BMP6: variants seen among roughly 807,000 people sequenced by gnomAD.
The protein encoded by BMP6 is bone morphogenetic protein 6.
BMP6 carries 17 observed loss-of-function variants against 54.1 expected under a neutral mutation model. The observed-to-expected ratio is 0.31, with a 90% CI of 0.22 to 0.47. BMP6 has a LOEUF of 0.47. Among genes scored for constraint, BMP6 ranks in the 20% least tolerant of loss-of-function variants. The pLI is 1.00. For synonymous variants in BMP6, 328 were observed against 291.2 expected, an observed-to-expected ratio of 1.13 and a Z score of -1.28; for missense variants, 720 against 690.4, an observed-to-expected ratio of 1.04 and a Z score of -0.48.
chr6:7,849,936 C>A (rs908744114), intron 2 of BMP6, among the ~76,000 whole-genome samples: 2 of 152,162 alleles, frequency 1.3e-5, no homozygotes, highest in African/African-American at 2.4e-5. Flanking sequence ...TGAAGAATTA[C>A]CAAATTTAAA....
intron 1 of BMP6, among the ~76,000 whole-genome samples, chr6:7,752,559 GTTTTTTT>G (rs5874110): frequency 2.4e-5 from 3 of 122,452 alleles, no homozygotes; most frequent in Non-Finnish European, 3.4e-5. Flanking sequence ...TTCAACATAG[GTTTTTTT>G]TTTTTTTTTT....
chr6:7,805,079 TAC>T (rs1758328835), intron 1 of BMP6, among the ~76,000 whole-genome samples: 2 of 152,328 alleles, frequency 1.3e-5, no homozygotes, highest in South Asian at 4.1e-4. Flanking sequence ...ATTTATATAA[TAC>T]TGTCATTGAT....
At chr6:7,793,258 AAAG>A (rs1256963324) in intron 1 of BMP6, among the ~76,000 whole-genome samples, 1 of 151,608 alleles carries the variant, frequency 6.6e-6, no homozygotes, top group Non-Finnish European at 1.5e-5. Context: ...ATTGTTAACT[AAAG>A]AAGCCAAACT....
At chr6:7,799,538 CAA>C (rs1758238789) in intron 1 of BMP6, among the ~76,000 whole-genome samples, 1 of 151,956 alleles carries the variant, frequency 6.6e-6, no homozygotes, top group Admixed American at 6.5e-5. Context: ...GGAGTATAGA[CAA>C]TGATGAAATT....
intron 4 of BMP6, among the ~76,000 whole-genome samples, chr6:7,872,086 C>T (rs1247860649): frequency 6.6e-6 from 1 of 152,096 alleles, no homozygotes; most frequent in African/African-American, 2.4e-5. Context: ...GTCTCACTTC[C>T]TTTCTCTGCC....
chr6:7,791,983 C>A (rs1758115394), intron 1 of BMP6, among the ~76,000 whole-genome samples: 1 of 149,772 alleles, frequency 6.7e-6, no homozygotes, highest in African/African-American at 2.5e-5. Flanking sequence ...GAAACAGGAC[C>A]AATTGGATGG....
intron 1 of BMP6, among the ~76,000 whole-genome samples, chr6:7,753,388 C>T (rs773329199): frequency 6.6e-6 from 1 of 152,220 alleles, no homozygotes; most frequent in Admixed American, 6.5e-5. Flanking sequence ...GGACCAGCAG[C>T]AGCTGCCCCA....
chr6:7,732,762 G>A (rs1043618004), intron 1 of BMP6, among the ~76,000 whole-genome samples: 9 of 152,170 alleles, frequency 5.9e-5, no homozygotes, highest in East Asian at 1.9e-4. Context: ...TCCTATTTAC[G>A]AAGGTGAGTT....
At chr6:7,861,009 T>C (rs1239487399) in intron 2 of BMP6, among the ~76,000 whole-genome samples, 1 of 152,098 alleles carries the variant, frequency 6.6e-6, no homozygotes, top group Non-Finnish European at 1.5e-5. Flanking sequence ...TAAATAAATT[T>C]TTAAAACATA....
chr6:7,793,531 A>G (rs1350257119), intron 1 of BMP6, among the ~76,000 whole-genome samples: 1 of 151,954 alleles, frequency 6.6e-6, no homozygotes, highest in Admixed American at 6.6e-5. Context: ...CTTGGGTGAT[A>G]ATGATGTGTC....
At chr6:7,813,109 ATAT>A (rs1306617710) in intron 1 of BMP6, among the ~76,000 whole-genome samples, 98 of 15,744 alleles carry the variant, frequency 6.2e-3, no homozygotes, top group African/African-American at 8.5e-3. Flanking sequence ...AAAAAAAAAA[ATAT>A]ATATATATAT....
chr6:7,774,923 C>G (rs1561767956), intron 1 of BMP6, among the ~76,000 whole-genome samples: 1 of 152,070 alleles, frequency 6.6e-6, no homozygotes, highest in Non-Finnish European at 1.5e-5. Context: ...TGAGGGCCTT[C>G]TTGTTGTATT....
intron 4 of BMP6, among the ~76,000 whole-genome samples, chr6:7,877,202 G>C (rs1392323281): frequency 6.6e-6 from 1 of 152,170 alleles, no homozygotes; most frequent in African/African-American, 2.4e-5. Flanking sequence ...GGGTGGTTCT[G>C]TTGGGTAACA....
chr6:7,733,425 C>G (rs542664137), intron 1 of BMP6, among the ~76,000 whole-genome samples: 4 of 152,168 alleles, frequency 2.6e-5, no homozygotes. Flanking sequence ...TAGAAATCAC[C>G]GCAGAAACTC....
chr6:7,739,836 T>G (rs1762015676), intron 1 of BMP6, among the ~76,000 whole-genome samples: 1 of 152,206 alleles, frequency 6.6e-6, no homozygotes, highest in Admixed American at 6.5e-5. Flanking sequence ...CCAAAAGCCT[T>G]GATCATGTTG....
intron 1 of BMP6, among the ~76,000 whole-genome samples, chr6:7,815,774 G>A (rs777993537): frequency 2.0e-5 from 3 of 152,190 alleles, no homozygotes; most frequent in Non-Finnish European, 4.4e-5. Context: ...ATTCATTCCC[G>A]TTATAATTAA....
At chr6:7,749,138 C>G (rs1421539244) in intron 1 of BMP6, among the ~76,000 whole-genome samples, 1 of 152,208 alleles carries the variant, frequency 6.6e-6, no homozygotes, top group Non-Finnish European at 1.5e-5. Flanking sequence ...ACCCTTGTAC[C>G]TCCACCGGGG....
At chr6:7,731,777 C>T (rs779969845) in intron 1 of BMP6, among the ~76,000 whole-genome samples, 2 of 152,204 alleles carry the variant, frequency 1.3e-5, no homozygotes, top group Non-Finnish European at 2.9e-5. Context: ...TTTATTAATA[C>T]ACCTTTTTTA....
chr6:7,791,986 T>TTGGATGGATGGATGGA (rs55687662), intron 1 of BMP6, among the ~76,000 whole-genome samples: 2 of 150,316 alleles, frequency 1.3e-5, no homozygotes, highest in Admixed American at 1.3e-4. Flanking sequence ...ACAGGACCAA[T>TTGGATGGATGGATGGA]TGGATGGATG....
Sources: allele counts gnomAD v4.1 joint callset (sites outside exome capture counted in the v4.1 genomes callset), GRCh38; gene constraint gnomAD v4.1.1; transcripts MANE v1.5; gene names NCBI Gene and HGNC (gene_info 2026-07-23, HGNC 2026-07-21).